The following CPLX2 variants were observed in gnomAD, a reference collection of about 807,000 sequenced individuals.
CPLX2 encodes the protein complexin 2, also known as complexin-2.
Under a neutral mutation model 16.3 loss-of-function variants are expected in CPLX2, and 5 were observed. The ratio of observed to expected loss-of-function variants is 0.31; its 90% CI spans 0.16 to 0.64. The LOEUF is 0.64. Ranked by LOEUF, CPLX2 falls within the 30% of genes least tolerant of loss-of-function variation. The pLI is 0.79. For missense variants in CPLX2, 144 were observed against 181.4 expected (o/e 0.79, Z 1.18); for synonymous variants, 89 against 73.2 (o/e 1.22, Z -1.10).
chr5:175,806,030 C>G (rs1295022411), intron 1 of CPLX2, among the ~76,000 whole-genome samples: 1 of 152,174 alleles, frequency 6.6e-6, no homozygotes, highest in Non-Finnish European at 1.5e-5. Context: ...TTAAGAGCAC[C>G]CCAGATTCCC....
At chr5:175,808,125 C>A (rs1758245906) in intron 1 of CPLX2, among the ~76,000 whole-genome samples, 1 of 152,190 alleles carries the variant, frequency 6.6e-6, no homozygotes, top group African/African-American at 2.4e-5. Context: ...CAGTGGGGGC[C>A]TGGCTGCAGC....
At chr5:175,854,640 CAG>C (rs1370674219) in intron 2 of CPLX2, among the ~76,000 whole-genome samples, 3 of 152,154 alleles carry the variant, frequency 2.0e-5, no homozygotes, top group Non-Finnish European at 4.4e-5. Context: ...CATGCGGGGT[CAG>C]AGACACTGCC....
At chr5:175,842,121 G>C (rs1173748998) in intron 2 of CPLX2, among the ~76,000 whole-genome samples, 1 of 152,214 alleles carries the variant, frequency 6.6e-6, no homozygotes, top group Non-Finnish European at 1.5e-5. Flanking sequence ...AGGACACACT[G>C]CTGGTATGGT....
chr5:175,866,022 T>C (rs1316929265), intron 2 of CPLX2, among the ~76,000 whole-genome samples: 1 of 152,250 alleles, frequency 6.6e-6, no homozygotes, highest in East Asian at 1.9e-4. Flanking sequence ...TCTATTTCCC[T>C]GTGGCTAAGG....
chr5:175,840,444 T>G (rs1000156446), intron 2 of CPLX2, among the ~76,000 whole-genome samples: 3 of 152,200 alleles, frequency 2.0e-5, no homozygotes, highest in Middle Eastern at 3.2e-3. Flanking sequence ...CACCACCAGG[T>G]GGACCTTGCC....
At chr5:175,864,228 G>A (rs1256480206) in intron 2 of CPLX2, among the ~76,000 whole-genome samples, 3 of 152,194 alleles carry the variant, frequency 2.0e-5, no homozygotes, top group Admixed American at 1.3e-4. Flanking sequence ...CACACACCAT[G>A]GGAAGGGGCA....
At chr5:175,847,844 C>T (rs1396515729) in intron 2 of CPLX2, among the ~76,000 whole-genome samples, 1 of 152,250 alleles carries the variant, frequency 6.6e-6, no homozygotes, top group Non-Finnish European at 1.5e-5. Context: ...AGCCCCTCTC[C>T]TCCAATCCAC....
Position 175,880,296 on chromosome 5 carries a change from G to C in CPLX2, c.*251G>C, listed in dbSNP as rs72823153. The C allele has an allele frequency of 0.25, 142,222 of 561,232 alleles. 19,499 individuals are homozygous for C. The highest frequency in any genetic ancestry group is 0.39 in the Middle Eastern group (1,408 of 3,640). 34.8% of individuals were successfully genotyped at this position (561,232 alleles called of 1,614,324 possible). A position where few individuals can be genotyped will look rare whatever the true frequency, so the allele number is the denominator to read the frequency against. On this transcript the variant is annotated 3_prime_UTR_variant, in exon 4 of 4. Coordinates refer to ENST00000393745, the MANE Select transcript of CPLX2 (RefSeq NM_001008220.2). ...TCTTTCCCCAGCAGGGGTCAGGGGGGCCCCTCAGGAAGCCTAAGGTCGTGC... is the reference window on the plus strand; with the variant it reads ...TCTTTCCCCAGCAGGGGTCAGGGGGCCCCCTCAGGAAGCCTAAGGTCGTGC...
At chr5:175,800,352 G>T (rs1041654810) in intron 1 of CPLX2, among the ~76,000 whole-genome samples, 1 of 152,092 alleles carries the variant, frequency 6.6e-6, no homozygotes, top group Non-Finnish European at 1.5e-5. Context: ...AGCATCCTTG[G>T]TGAAGGGAAG....
At chr5:175,867,597 A>T (rs559380214), upstream of CPLX2, among the ~76,000 whole-genome samples, 1 of 151,764 alleles carries the variant, frequency 6.6e-6, no homozygotes. Flanking sequence ...GACTTATTCT[A>T]CTCTAATAAC....
chr5:175,818,491 A>G (rs1758448251), intron 2 of CPLX2, among the ~76,000 whole-genome samples: 1 of 152,034 alleles, frequency 6.6e-6, no homozygotes, highest in Non-Finnish European at 1.5e-5. Flanking sequence ...ACCTATGTTC[A>G]TAAAGTTCTC....
chr5:175,869,697 T>C (rs1022443797), upstream of CPLX2, among the ~76,000 whole-genome samples: 3 of 152,186 alleles, frequency 2.0e-5, no homozygotes, highest in African/African-American at 7.2e-5. Context: ...TGAAAGATCC[T>C]CAAATCCTTC....
chr5:175,865,157 C>G (rs1476306406), intron 2 of CPLX2, among the ~76,000 whole-genome samples: 1 of 152,178 alleles, frequency 6.6e-6, no homozygotes, highest in Non-Finnish European at 1.5e-5. Context: ...CACTCTTTCT[C>G]TTTCTTTCAT....
intron 3 of CPLX2, among the ~76,000 whole-genome samples, chr5:175,879,385 G>A (rs1486427054): frequency 6.6e-6 from 1 of 152,206 alleles, no homozygotes; most frequent in African/African-American, 2.4e-5. Context: ...GGGAATGTTC[G>A]AAAAATACCA....
At chr5:175,841,003 C>T (rs1314550791) in intron 2 of CPLX2, among the ~76,000 whole-genome samples, 5 of 152,198 alleles carry the variant, frequency 3.3e-5, no homozygotes, top group African/African-American at 1.2e-4. Context: ...GCCTCCCACA[C>T]CACAGTTGGG....
intron 1 of CPLX2, among the ~76,000 whole-genome samples, chr5:175,875,494 T>C (rs1187347371): frequency 6.6e-6 from 1 of 152,194 alleles, no homozygotes; most frequent in African/African-American, 2.4e-5. Flanking sequence ...ATAGAGTATT[T>C]CTAAAATTTC....
intron 1 of CPLX2, among the ~76,000 whole-genome samples, chr5:175,801,448 G>A (rs1758095493): frequency 6.6e-6 from 1 of 152,222 alleles, no homozygotes; most frequent in South Asian, 2.1e-4. Context: ...TTGTATCTGG[G>A]AAAGGAGAGT....
intron 2 of CPLX2, chr5:175,837,671 T>C (rs1758863272): frequency 1.3e-5 from 2 of 152,264 alleles, no homozygotes; most frequent in South Asian, 4.1e-4. Context: ...TTCAGTTCAT[T>C]GTTGCTCCAC....
intron 2 of CPLX2, among the ~76,000 whole-genome samples, chr5:175,842,104 A>G (rs568891408): frequency 6.6e-6 from 1 of 152,334 alleles, no homozygotes; most frequent in South Asian, 2.1e-4. Flanking sequence ...ATGGAGGGCC[A>G]TGAAGGAGGA....
Sources: allele counts gnomAD v4.1 joint callset (sites outside exome capture counted in the v4.1 genomes callset), GRCh38; gene constraint gnomAD v4.1.1; transcripts MANE v1.5; gene names NCBI Gene and HGNC (gene_info 2026-07-23, HGNC 2026-07-21).